The following OXR1 variants were observed in gnomAD, a reference collection of about 807,000 sequenced individuals.
OXR1 encodes the protein oxidation resistance 1.
In OXR1, 41 loss-of-function variants were observed where a neutral mutation model predicts 104.6. The ratio of observed to expected loss-of-function variants is 0.39; its 90% CI spans 0.31 to 0.51. The LOEUF is 0.51. Ranked by LOEUF, OXR1 falls within the 20% of genes least tolerant of loss-of-function variation. OXR1 has a pLI of 0.77. For missense variants in OXR1, 955 were observed against 1,031.9 expected (o/e 0.93, Z 1.02); for synonymous variants, 348 against 348.4 (o/e 1.00, Z 0.01).
rs141926847 is a variant in OXR1 at position 106,481,468 on chromosome 8, A to G, written c.24-37475A>G. 5.9e-5 allele frequency among the ~76,000 whole-genome samples: 9 copies of G among 152,160 alleles called. No homozygotes were observed. In the East Asian group the frequency reaches 1.7e-3, roughly 30 times the overall value. ...TAAGGCCATATTAAATGGTTCTCCAATAAAGTGTTTTAATAGCTCCAGTAA... is the reference window on the plus strand; with the variant it reads ...TAAGGCCATATTAAATGGTTCTCCAGTAAAGTGTTTTAATAGCTCCAGTAA... On this transcript the variant is annotated intron_variant, in intron 2 of 16. Transcript: ENST00000517566.
At chr8:106,538,423 G>T (rs969830) in intron 3 of OXR1, among the ~76,000 whole-genome samples, 3 of 152,036 alleles carry the variant, frequency 2.0e-5, no homozygotes, top group African/African-American at 7.2e-5. Flanking sequence ...AAACATGTTC[G>T]ATTTCTTGTA....
At chr8:106,315,027 A>G (rs1813869602) in intron 1 of OXR1, among the ~76,000 whole-genome samples, 1 of 151,578 alleles carries the variant, frequency 6.6e-6, no homozygotes. Flanking sequence ...AGTATATTTT[A>G]TCAGAGGTTT....
At chr8:106,630,532 G>C (rs915510549) in intron 3 of OXR1, among the ~76,000 whole-genome samples, 2 of 152,148 alleles carry the variant, frequency 1.3e-5, no homozygotes, top group African/African-American at 4.8e-5. Flanking sequence ...TCGCTGTAAG[G>C]TTTCTTTGTC....
intron 3 of OXR1, among the ~76,000 whole-genome samples, chr8:106,582,023 C>CAAAAAAAAAAAAAAAAAAAAAAACTAA (rs71307074): frequency 2.9e-5 from 2 of 69,566 alleles, no homozygotes; most frequent in Non-Finnish European, 5.2e-5. Context: ...GACTCTGTCT[C>CAAAAAAAAAAAAAAAAAAAAAAACTAA]AAAAAAAAAA....
At chr8:106,370,925 GA>G (rs1816679762) in intron 2 of OXR1, among the ~76,000 whole-genome samples, 2 of 152,144 alleles carry the variant, frequency 1.3e-5, no homozygotes, top group African/African-American at 4.8e-5. Flanking sequence ...ATGAGTTAGG[GA>G]AGAGTCCCTT....
intron 3 of OXR1, among the ~76,000 whole-genome samples, chr8:106,572,825 A>G (rs574485501): frequency 6.6e-6 from 1 of 152,270 alleles, no homozygotes; most frequent in East Asian, 1.9e-4. Flanking sequence ...CACGTGTTTA[A>G]GTATTTGTTA....
chr8:106,485,635 A>T (rs943640766), intron 2 of OXR1, among the ~76,000 whole-genome samples: 1 of 152,104 alleles, frequency 6.6e-6, no homozygotes, highest in Non-Finnish European at 1.5e-5. Context: ...TAGGCAAAGG[A>T]TGCGAAATCA....
chr8:106,449,105 A>C (rs563881676), intron 2 of OXR1, among the ~76,000 whole-genome samples: 1 of 152,224 alleles, frequency 6.6e-6, no homozygotes, highest in Non-Finnish European at 1.5e-5. Context: ...AGAAAACAAC[A>C]ATTATCTGGA....
chr8:106,579,369 G>C (rs1818079578), intron 3 of OXR1, among the ~76,000 whole-genome samples: 1 of 152,108 alleles, frequency 6.6e-6, no homozygotes, highest in Non-Finnish European at 1.5e-5. Context: ...TGAGGCCCTG[G>C]ATTAGCTCTG....
chr8:106,518,228 T>G (rs1323314910), intron 2 of OXR1, among the ~76,000 whole-genome samples: 1 of 152,214 alleles, frequency 6.6e-6, no homozygotes, highest in East Asian at 1.9e-4. Flanking sequence ...AACATCAGCC[T>G]GCAGAAGTAC....
intron 1 of OXR1, among the ~76,000 whole-genome samples, chr8:106,327,560 T>C (rs988783664): frequency 6.6e-6 from 1 of 152,174 alleles, no homozygotes; most frequent in African/African-American, 2.4e-5. Flanking sequence ...TTGATCTTCC[T>C]CAATTGTAAT....
At position 106,678,870 on chromosome 8, in the gene OXR1, A is replaced by G. The variant is rs149331154; in HGVS notation, c.221-340A>G. On this transcript the variant is annotated intron_variant, in intron 3 of 16. Transcript: ENST00000517566. Reference sequence around the variant, plus strand: ...ATCTTGAAAGATGTATTTTAAAAATATATAATGTATCTTAAAATGTGTTGG... The same window carrying G: ...ATCTTGAAAGATGTATTTTAAAAATGTATAATGTATCTTAAAATGTGTTGG... Among the ~76,000 whole-genome samples, 3 of 152,196 alleles carry G rather than the reference A, an allele frequency of 2.0e-5. No individual in the cohort carries two copies. The East Asian group carries it at 5.8e-4, about 29-fold the overall frequency.
At chr8:106,591,660 C>A (rs747135650) in intron 3 of OXR1, among the ~76,000 whole-genome samples, 2 of 152,132 alleles carry the variant, frequency 1.3e-5, no homozygotes, top group African/African-American at 4.8e-5. Context: ...AGCTGGGAAT[C>A]ATAAATATTG....
At chr8:106,534,151 G>A (rs182112195) in intron 3 of OXR1, among the ~76,000 whole-genome samples, 93 of 152,252 alleles carry the variant, frequency 6.1e-4, no homozygotes, top group Non-Finnish European at 1.1e-3. Flanking sequence ...ATCTGGGGCG[G>A]GGCCTACAAT....
At chr8:106,510,045 T>G (rs1268643501) in intron 2 of OXR1, among the ~76,000 whole-genome samples, 1 of 152,216 alleles carries the variant, frequency 6.6e-6, no homozygotes, top group Non-Finnish European at 1.5e-5. Flanking sequence ...GTTCTGGAAT[T>G]ACAGGAGTAA....
intron 3 of OXR1, among the ~76,000 whole-genome samples, chr8:106,560,778 TG>T (rs142630337): frequency 0.029 from 4,352 of 152,156 alleles, 77 homozygotes; most frequent in South Asian, 0.043. Flanking sequence ...ATGCAGAAGG[TG>T]GGTGATTTCT....
chr8:106,588,493 A>C (rs1586854972), intron 3 of OXR1, among the ~76,000 whole-genome samples: 1 of 128,556 alleles, frequency 7.8e-6, no homozygotes, highest in African/African-American at 3.2e-5. Context: ...TTTCTCATTT[A>C]CTTTTTTTTT....
chr8:106,724,498 C>T (rs1392697013), intron 11 of OXR1, among the ~76,000 whole-genome samples: 1 of 152,200 alleles, frequency 6.6e-6, no homozygotes, highest in Non-Finnish European at 1.5e-5. Flanking sequence ...CTCAGAATAG[C>T]TTAAACCTGT....
chr8:106,369,985 G>A (rs114866466), intron 2 of OXR1, among the ~76,000 whole-genome samples: 4,158 of 152,200 alleles, frequency 0.027, 60 homozygotes, highest in Non-Finnish European at 0.032. Context: ...AAATTACTTC[G>A]GGCTGTTTGG....
Sources: gnomAD v4.1 joint callset for allele counts (sites outside exome capture counted in the v4.1 genomes callset) on GRCh38, gnomAD v4.1.1 for gene constraint, MANE v1.5 for transcripts, NCBI Gene and HGNC (gene_info 2026-07-23, HGNC 2026-07-21) for gene names.